Variants in EFCAB6 observed in about 807,000 individuals in gnomAD.
EFCAB6 encodes EF-hand calcium-binding domain-containing protein 6.
In EFCAB6, 156 loss-of-function variants were observed where a neutral mutation model predicts 169.8. The ratio of observed to expected loss-of-function variants is 0.92; its 90% CI spans 0.81 to 1.05. The LOEUF (loss-of-function observed/expected upper bound fraction) is 1.05. EFCAB6 is among the 50% of genes least tolerant of loss of function. EFCAB6 has a pLI of 0.00. For missense variants in EFCAB6, 1,800 were observed against 1,829.1 expected (o/e 0.98, Z 0.29); for synonymous variants, 698 against 676.4 (o/e 1.03, Z -0.50).
At chr22:43,726,276 C>CAAAAAAA (rs3994547) in intron 8 of EFCAB6, among the ~76,000 whole-genome samples, 1 of 59,356 alleles carries the variant, frequency 1.7e-5, no homozygotes, top group Non-Finnish European at 3.0e-5. Flanking sequence ...AAAAATTCAC[C>CAAAAAAA]AAAAAAAAAA....
chr22:43,727,482 A>G (rs1335692561), intron 8 of EFCAB6, among the ~76,000 whole-genome samples: 1 of 152,248 alleles, frequency 6.6e-6, no homozygotes, highest in Non-Finnish European at 1.5e-5. Context: ...GTAAAATAAC[A>G]GTGTTTGAGA....
chr22:43,577,202 A>C (rs946070122), intron 25 of EFCAB6, among the ~76,000 whole-genome samples: 9 of 152,220 alleles, frequency 5.9e-5, no homozygotes, highest in African/African-American at 2.2e-4. Flanking sequence ...CTATAAAAAG[A>C]AAGCACATTT....
chr22:43,674,035 T>C (rs371793213), intron 13 of EFCAB6, among the ~76,000 whole-genome samples: 1 of 151,940 alleles, frequency 6.6e-6, no homozygotes, highest in Admixed American at 6.6e-5. Flanking sequence ...TACAGAAGTG[T>C]GTGTCCAAAC....
At chr22:43,637,823 G>A (rs573323458) in intron 17 of EFCAB6, among the ~76,000 whole-genome samples, 3 of 152,222 alleles carry the variant, frequency 2.0e-5, no homozygotes, top group East Asian at 1.9e-4. Flanking sequence ...ACACACAGCC[G>A]CGGTGAGCCT....
intron 5 of EFCAB6, among the ~76,000 whole-genome samples, chr22:43,764,333 T>C (rs1293452872): frequency 6.6e-6 from 1 of 152,220 alleles, no homozygotes; most frequent in Non-Finnish European, 1.5e-5. Context: ...ATTAATTTGC[T>C]TAGTATAATG....
intron 21 of EFCAB6, among the ~76,000 whole-genome samples, chr22:43,610,982 A>G (rs1353658898): frequency 6.6e-6 from 1 of 152,252 alleles, no homozygotes; most frequent in Non-Finnish European, 1.5e-5. Flanking sequence ...ACTGGGACAG[A>G]CACCCATAAG....
chr22:43,585,956 T>C (rs1432246504), intron 24 of EFCAB6, among the ~76,000 whole-genome samples: 4 of 152,132 alleles, frequency 2.6e-5, no homozygotes, highest in Non-Finnish European at 4.4e-5. Context: ...ATAAAGACTT[T>C]CTCAGACAAA....
At chr22:43,624,822 G>C (rs949236025) in intron 20 of EFCAB6, among the ~76,000 whole-genome samples, 1 of 152,228 alleles carries the variant, frequency 6.6e-6, no homozygotes, top group Non-Finnish European at 1.5e-5. Flanking sequence ...TTTGATGAAT[G>C]AGTGTATACA....
intron 12 of EFCAB6, among the ~76,000 whole-genome samples, 166 bp from the exon 13 acceptor site, chr22:43,678,329 C>CTG (rs137787): frequency 0.21 from 29,879 of 144,108 alleles, 3,194 homozygotes; most frequent in Non-Finnish European, 0.26. Context: ...AACATGAGCA[C>CTG]TGTGTGTGTG....
chr22:43,799,614 T>C (rs2062632738), intron 2 of EFCAB6, among the ~76,000 whole-genome samples: 1 of 152,166 alleles, frequency 6.6e-6, no homozygotes, highest in Non-Finnish European at 1.5e-5. Flanking sequence ...TTTATGTGAA[T>C]CTAAAATTAT....
At chr22:43,633,264 T>C (rs756070875) in intron 18 of EFCAB6, among the ~76,000 whole-genome samples, 4 of 152,122 alleles carry the variant, frequency 2.6e-5, no homozygotes, top group Non-Finnish European at 5.9e-5. Context: ...AAAAACTCCA[T>C]GTCGGCCAGG....
intron 17 of EFCAB6, among the ~76,000 whole-genome samples, chr22:43,638,496 G>A (rs925689841): frequency 1.6e-4 from 24 of 152,250 alleles, no homozygotes; most frequent in African/African-American, 4.8e-4. Context: ...TCAGGGAACC[G>A]TTGCTGGGCC....
At chr22:43,651,611 G>C (rs565617436) in intron 17 of EFCAB6, among the ~76,000 whole-genome samples, 2 of 152,214 alleles carry the variant, frequency 1.3e-5, no homozygotes, top group Non-Finnish European at 2.9e-5. Flanking sequence ...ACCCCAGAAC[G>C]GTAGATCCAC....
chr22:43,738,510 CACCAT>C (rs1049425873), intron 6 of EFCAB6, among the ~76,000 whole-genome samples: 11 of 146,182 alleles, frequency 7.5e-5, no homozygotes, highest in African/African-American at 2.7e-4. Flanking sequence ...TACTCACACA[CACCAT>C]ATCTCACACA....
chr22:43,618,821 C>A (rs751144984), intron 20 of EFCAB6, among the ~76,000 whole-genome samples: 9 of 152,020 alleles, frequency 5.9e-5, no homozygotes, highest in Admixed American at 2.6e-4. Flanking sequence ...GTGGCCAAAA[C>A]GTTAAAATTT....
rs774073435 is a variant in EFCAB6 at position 43,772,999 on chromosome 22, G to T, written c.244C>A (p.Leu82Met). 6 of 1,614,088 alleles carry T rather than the reference G, an allele frequency of 3.7e-6. No homozygotes were observed. In the South Asian group the frequency reaches 5.5e-5, roughly 15 times the overall value. The change falls in exon 4 of 32, where the codon CTG becomes ATG. Residue 82 changes from leucine (L) to methionine (M), a missense_variant. Physicochemically the swap from Leu to Met is conservative, Grantham distance 15. Coordinates refer to ENST00000262726, the MANE Select transcript of EFCAB6 (RefSeq NM_022785.4). ...ACAGTCAAGTTCTGACCAGTATCCA[G>T]CAGCTGAAAGGCTTTTTGCAACTCA... The part of the protein sequence containing the change: ...GDELQKAFQL[L>M]DTGQNLTVSK...
chr22:43,535,060 G>C (rs1392911379), intron 29 of EFCAB6, 188 bp from the exon 30 acceptor site: 2 of 612,898 alleles, frequency 3.3e-6, no homozygotes, highest in Non-Finnish European at 5.6e-6. Context: ...GTGCCGCAGG[G>C]AGGGGGACCC....
intron 29 of EFCAB6, 50 bp from the exon 30 acceptor site, chr22:43,534,922 A>G (rs1431826078): frequency 1.3e-6 from 2 of 1,540,320 alleles, no homozygotes; most frequent in Non-Finnish European, 1.8e-6. Context: ...TCATTCATTC[A>G]TTCTTCACTC....
At position 43,660,236 on chromosome 22, in the gene EFCAB6, G is replaced by A. The variant is rs142214193; in HGVS notation, c.1983+6868C>T. Among the ~76,000 whole-genome samples the A allele has an allele frequency of 4.2e-3, 636 of 152,272 alleles. 2 individuals carry two copies. Among genetic ancestry groups the A allele is most frequent in the African/African-American group, 0.014 (602 of 41,546 alleles). ...CTAATCTTAGCCCATGTGTCGTTGG[G>A]TATTTTGTCATGTTATGTTCCCCGT... On this transcript the variant is annotated intron_variant, in intron 17 of 31. Coordinates refer to ENST00000262726, the MANE Select transcript of EFCAB6 (RefSeq NM_022785.4).
Sources: gnomAD v4.1 joint callset for allele counts (sites outside exome capture counted in the v4.1 genomes callset) on GRCh38, gnomAD v4.1.1 for gene constraint, MANE v1.5 for transcripts, NCBI Gene and HGNC (gene_info 2026-07-23, HGNC 2026-07-21) for gene names.